Variants in MYL6B observed in about 807,000 individuals in gnomAD.
The protein encoded by MYL6B is myosin light chain 6B.
Under a neutral mutation model 24.5 loss-of-function variants are expected in MYL6B, and 19 were observed. That is an observed-to-expected ratio of 0.78 (90% CI 0.54 to 1.14). The LOEUF (loss-of-function observed/expected upper bound fraction) is 1.14, where lower values mean the gene tolerates loss of function less well. Among genes scored for constraint, MYL6B ranks in the 50% most tolerant of loss-of-function variants. MYL6B has a pLI of 0.00. For synonymous variants in MYL6B, 90 were observed against 100.7 expected, an observed-to-expected ratio of 0.89 and a Z score of 0.64; for missense variants, 230 against 263.8, an observed-to-expected ratio of 0.87 and a Z score of 0.89.
At chr12:56,155,660 T>C in intron 5 of MYL6B, 68 bp downstream of exon 5, 1 of 1,608,632 alleles carries the variant, frequency 6.2e-7, no homozygotes, top group South Asian at 1.1e-5. Flanking sequence ...CCAGAAAGAC[T>C]GGACAGATAA....
chr12:56,155,246 G>A, intron 4 of MYL6B, 48 bp downstream of exon 4: 7 of 1,562,184 alleles, frequency 4.5e-6, no homozygotes, highest in Non-Finnish European at 6.1e-6. Flanking sequence ...TTCAAAAGTT[G>A]GATGTTGGTA....
At position 56,153,889 on chromosome 12, in the gene MYL6B, C is replaced by T. The variant is rs534179296; in HGVS notation, c.-30C>T. The T allele has an allele frequency of 3.2e-6, 5 of 1,583,632 alleles. No homozygotes were observed. In the East Asian group the frequency reaches 1.1e-4, roughly 36 times the overall value. On this transcript the variant is annotated 5_prime_UTR_variant, in exon 2 of 7. Coordinates refer to ENST00000553066, the Ensembl canonical transcript of MYL6B. ...TTTAAACAGAGATGGGTGCCCCCAT[C>T]CGCACACTGTCCTTTGGCCACCGGA...
At chr12:56,154,241 TC>T in intron 2 of MYL6B, 149 bp downstream of exon 2, 2 of 791,428 alleles carry the variant, frequency 2.5e-6, no homozygotes, top group Non-Finnish European at 4.0e-6. Flanking sequence ...TTTGGAAGCA[TC>T]CAGTCTTATG....
chr12:56,155,759 G>C (rs773249614), intron 5 of MYL6B, 167 bp downstream of exon 5: 28 of 1,529,028 alleles, frequency 1.8e-5, no homozygotes, highest in Non-Finnish European at 2.4e-5. Flanking sequence ...TGAAGGACTC[G>C]CTCTTCCAGA....
chr12:56,154,749 G>A (rs1234056172), intron 2 of MYL6B, 64 bp from the exon 3 acceptor site: 6 of 1,563,572 alleles, frequency 3.8e-6, no homozygotes, highest in Non-Finnish European at 5.2e-6. Context: ...AGTTGGTTGG[G>A]AGGAGTGCGG....
chr12:56,154,926 C>T lies in MYL6B; in HGVS notation c.202+86C>T, dbSNP rs1387063257. 1.5e-5 allele frequency: 24 copies of T among 1,571,766 alleles called. No individual in the cohort carries two copies. The South Asian group carries it at 2.8e-4, about 19-fold the overall frequency. On this transcript the variant is annotated intron_variant, in intron 3 of 6. Coordinates refer to ENST00000553066, the Ensembl canonical transcript of MYL6B. Reference sequence around the variant, plus strand: ...TCTATTCCCCTAACCCCAGTCCTGACCTTGAAACCTCCCATACTAGTCCTC... The same window carrying T: ...TCTATTCCCCTAACCCCAGTCCTGATCTTGAAACCTCCCATACTAGTCCTC...
At chr12:56,156,791 C>G (rs1035108674) in intron 5 of MYL6B, 3 of 151,400 alleles carry the variant, frequency 2.0e-5, no homozygotes, top group African/African-American at 4.9e-5. Flanking sequence ...TGGCTCACAC[C>G]TGTAATCTCA....
exon 2 of MYL6B, chr12:56,153,895 ACT>A (rs1024578083): frequency 6.3e-7 from 1 of 1,594,498 alleles, no homozygotes; most frequent in Non-Finnish European, 8.6e-7. Flanking sequence ...CCATCCGCAC[ACT>A]GTCCTTTGGC....
exon 5 of MYL6B, chr12:56,155,469 G>A: frequency 6.2e-7 from 1 of 1,614,104 alleles, no homozygotes; most frequent in Non-Finnish European, 8.5e-7. Context: ...CATGCTCCAG[G>A]CAGTGGCCAA....
intron 5 of MYL6B, chr12:56,156,316 A>G (rs1871301530): frequency 7.0e-6 from 1 of 142,532 alleles, no homozygotes; most frequent in African/African-American, 2.7e-5. Context: ...TCAAAAAAAA[A>G]AAAAAAGGCC....
chr12:56,155,379 T>C (rs751043830), intron 4 of MYL6B, 40 bp from the exon 5 acceptor site: 10 of 1,613,756 alleles, frequency 6.2e-6, no homozygotes, highest in Admixed American at 1.7e-5. Context: ...TCCTATGTAA[T>C]ACTACAATGA....
chr12:56,156,162 C>T (rs1359299025), intron 5 of MYL6B: 4 of 334,538 alleles, frequency 1.2e-5, no homozygotes, highest in Non-Finnish European at 1.8e-5. Context: ...AAAAACTAGG[C>T]GGGCATGGTG....
At chr12:56,155,887 TTG>T in intron 5 of MYL6B, 1 of 1,278,486 alleles carries the variant, frequency 7.8e-7, no homozygotes, top group African/African-American at 1.5e-5. Flanking sequence ...CCTCCTGGGA[TTG>T]TTTCCTTGTG....
intron 2 of MYL6B, among the ~76,000 whole-genome samples, chr12:56,154,587 C>T (rs1009490968): frequency 2.6e-5 from 4 of 152,216 alleles, no homozygotes; most frequent in Non-Finnish European, 4.4e-5. Flanking sequence ...GGGAGGGAAA[C>T]AGGTGGCATG....
At chr12:56,157,516 A>C (rs1220331891) in exon 6 of MYL6B, 1 of 1,613,998 alleles carries the variant, frequency 6.2e-7, no homozygotes, top group East Asian at 2.2e-5. Flanking sequence ...GCAGGACACG[A>C]GGACAGCAAC....
chr12:56,157,781 C>T, exon 7 of MYL6B: 5 of 1,592,120 alleles, frequency 3.1e-6, no homozygotes, highest in East Asian at 2.2e-5. Flanking sequence ...GGCAAGTCTC[C>T]CGCCCTTCTC....
At chr12:56,154,757 C>A in intron 2 of MYL6B, 56 bp from the exon 3 acceptor site, 1 of 1,577,180 alleles carries the variant, frequency 6.3e-7, no homozygotes, top group Non-Finnish European at 8.6e-7. Flanking sequence ...GGGAGGAGTG[C>A]GGGAGAGGGA....
exon 2 of MYL6B, chr12:56,154,066 C>G: frequency 6.2e-7 from 1 of 1,613,726 alleles, no homozygotes; most frequent in Non-Finnish European, 8.5e-7. Flanking sequence ...AACCCAGGAG[C>G]CTCCAGTCGA....
chr12:56,155,774 A>G, intron 5 of MYL6B, 182 bp downstream of exon 5: 1 of 1,521,086 alleles, frequency 6.6e-7, no homozygotes, highest in Non-Finnish European at 8.8e-7. Flanking sequence ...TCCAGAGGCT[A>G]AAGTGCCATC....
Sources: gnomAD v4.1 joint callset for allele counts (sites outside exome capture counted in the v4.1 genomes callset) on GRCh38, gnomAD v4.1.1 for gene constraint, MANE v1.5 for transcripts, NCBI Gene and HGNC (gene_info 2026-07-23, HGNC 2026-07-21) for gene names.